The following SLIT3 variants were observed in gnomAD, a reference collection of about 807,000 sequenced individuals.
SLIT3 encodes slit guidance ligand 3.
Under a neutral mutation model 184.0 loss-of-function variants are expected in SLIT3, and 68 were observed. The observed-to-expected ratio is 0.37, with a 90% CI of 0.30 to 0.45. SLIT3 has a LOEUF of 0.45. Ranked by LOEUF, SLIT3 falls within the 20% of genes least tolerant of loss-of-function variation. The pLI is 1.00. For missense variants in SLIT3, 1,707 were observed against 2,026.0 expected (o/e 0.84, Z 3.02); for synonymous variants, 831 against 828.6 (o/e 1.00, Z -0.05).
intron 3 of SLIT3, among the ~76,000 whole-genome samples, chr5:169,209,895 T>C (rs1297196158): frequency 6.6e-6 from 1 of 152,144 alleles, no homozygotes; most frequent in Non-Finnish European, 1.5e-5. Context: ...CGTATACCTA[T>C]GTAACAAACC....
intron 31 of SLIT3, among the ~76,000 whole-genome samples, chr5:168,685,347 G>A (rs1279854050): frequency 3.9e-5 from 6 of 152,238 alleles, no homozygotes; most frequent in Admixed American, 3.9e-4. Flanking sequence ...CACCCAGAAT[G>A]AGATTCTTGG....
chr5:168,775,483 C>T (rs116768440), intron 12 of SLIT3, among the ~76,000 whole-genome samples: 11 of 152,194 alleles, frequency 7.2e-5, no homozygotes, highest in Non-Finnish European at 1.3e-4. Flanking sequence ...CCGGCCCTGA[C>T]CCCCTCATCT....
At position 169,097,312 on chromosome 5, in the gene SLIT3, A is replaced by G. The variant is rs537581162; in HGVS notation, c.413+96167T>C. 2.6e-5 allele frequency among the ~76,000 whole-genome samples: 4 copies of G among 152,278 alleles called. No homozygotes were observed. In the South Asian group the frequency reaches 8.3e-4, roughly 32 times the overall value. ...CATTAAGTGTGAGATGTGGTATTACAGTTTGCTTGTGTTTTACCCACAAAA... is the reference window on the plus strand; with the variant it reads ...CATTAAGTGTGAGATGTGGTATTACGGTTTGCTTGTGTTTTACCCACAAAA... On this transcript the variant is annotated intron_variant, in intron 4 of 35. Coordinates refer to ENST00000519560, the MANE Select transcript of SLIT3 (RefSeq NM_003062.4).
At chr5:168,935,286 G>C (rs937042559) in intron 4 of SLIT3, among the ~76,000 whole-genome samples, 1 of 152,148 alleles carries the variant, frequency 6.6e-6, no homozygotes, top group Non-Finnish European at 1.5e-5. Flanking sequence ...TGGTGAAGTT[G>C]GGATTCATTT....
intron 4 of SLIT3, among the ~76,000 whole-genome samples, chr5:169,182,513 T>G (rs1763196347): frequency 6.6e-6 from 1 of 152,228 alleles, no homozygotes; most frequent in Admixed American, 6.5e-5. Context: ...TTTTGGTGAT[T>G]TGAAATTATG....
intron 4 of SLIT3, among the ~76,000 whole-genome samples, chr5:168,947,997 G>T (rs1047118496): frequency 6.6e-6 from 1 of 151,958 alleles, no homozygotes; most frequent in Non-Finnish European, 1.5e-5. Flanking sequence ...TCGCCATGTT[G>T]GCCAGGCTGG....
chr5:169,077,566 A>G lies in SLIT3; in HGVS notation c.413+115913T>C, dbSNP rs923435311. Among the ~76,000 whole-genome samples, 3 of 152,252 alleles carry G rather than the reference A, an allele frequency of 2.0e-5. No individual in the cohort carries two copies. In the East Asian group the frequency reaches 5.8e-4, roughly 29 times the overall value. On this transcript the variant is annotated intron_variant, in intron 4 of 35. Transcript: ENST00000519560. Reference sequence around the variant, plus strand: ...AAAAACAAAAAACAAAAAACAAAAAACAGTAATACATATAAAATATCTGTT... The same window carrying G: ...AAAAACAAAAAACAAAAAACAAAAAGCAGTAATACATATAAAATATCTGTT...
intron 1 of SLIT3, among the ~76,000 whole-genome samples, chr5:169,273,586 T>G (rs1352935239): frequency 6.6e-6 from 1 of 152,154 alleles, no homozygotes; most frequent in African/African-American, 2.4e-5. Flanking sequence ...GAGACCAGGA[T>G]TCATACTATT....
chr5:169,098,351 T>C (rs539595366), intron 4 of SLIT3, among the ~76,000 whole-genome samples: 7 of 152,132 alleles, frequency 4.6e-5, no homozygotes, highest in Non-Finnish European at 7.4e-5. Context: ...CTATGCACAA[T>C]CATAAGCACA....
At chr5:169,262,525 C>T (rs183495003) in intron 1 of SLIT3, among the ~76,000 whole-genome samples, 29 of 152,216 alleles carry the variant, frequency 1.9e-4, no homozygotes, top group African/African-American at 6.7e-4. Context: ...CAGGTGGTGT[C>T]CAGGCTGTGA....
intron 4 of SLIT3, among the ~76,000 whole-genome samples, chr5:168,906,630 G>A (rs937658623): frequency 6.6e-6 from 1 of 151,972 alleles, no homozygotes; most frequent in African/African-American, 2.4e-5. Flanking sequence ...GGGTTTAGTG[G>A]GAATCTTCTA....
intron 4 of SLIT3, among the ~76,000 whole-genome samples, chr5:168,885,536 G>A (rs1197932624): frequency 5.3e-5 from 8 of 152,202 alleles, no homozygotes; most frequent in East Asian, 3.9e-4. Context: ...GGCAGCACCC[G>A]AGGCTCTGGC....
Position 168,687,125 on chromosome 5 carries a change from T to C in SLIT3, c.3177-9A>G, listed in dbSNP as rs778979215. ...CAGGGACACACTCGCAGCTGGAACA[T>C]AGGCAGAGGCAAGGCCGTTCCTCAA... On this transcript the variant is annotated splice_polypyrimidine_tract_variant and intron_variant, in intron 29 of 35. Transcript: ENST00000519560. 1.2e-6 allele frequency: 2 copies of C among 1,612,386 alleles called. No homozygotes were observed. The highest frequency in any genetic ancestry group is 8.5e-7 in the Non-Finnish European group (1 of 1,178,482).
At chr5:169,264,856 T>A (rs72837981) in intron 1 of SLIT3, among the ~76,000 whole-genome samples, 17,723 of 152,272 alleles carry the variant, frequency 0.12, 1,446 homozygotes, top group Non-Finnish European at 0.17. Flanking sequence ...AATTTGATTT[T>A]AAAAACTGGC....
intron 4 of SLIT3, among the ~76,000 whole-genome samples, chr5:169,103,181 A>G (rs1218921370): frequency 2.0e-5 from 3 of 152,224 alleles, no homozygotes; most frequent in Non-Finnish European, 2.9e-5. Flanking sequence ...AGAGCACACA[A>G]AAAGAATGGC....
At chr5:169,224,527 G>A (rs773117785) in intron 3 of SLIT3, among the ~76,000 whole-genome samples, 6 of 151,512 alleles carry the variant, frequency 4.0e-5, no homozygotes, top group East Asian at 1.9e-4. Context: ...ACTACCACAC[G>A]TGGCTAACCT....
At chr5:168,890,158 A>G (rs12153675) in intron 4 of SLIT3, among the ~76,000 whole-genome samples, 5,873 of 149,708 alleles carry the variant, frequency 0.039, 172 homozygotes, top group East Asian at 0.087. Flanking sequence ...AAAAAAAAAA[A>G]AGAGAGAGAG....
intron 16 of SLIT3, among the ~76,000 whole-genome samples, chr5:168,757,734 C>T (rs1307520488): frequency 6.6e-6 from 1 of 152,192 alleles, no homozygotes; most frequent in Non-Finnish European, 1.5e-5. Context: ...CGTGCCCAAC[C>T]CAACCCCTGT....
rs138873728 is a variant in SLIT3 at position 169,270,358 on chromosome 5, C to T, written c.198-18899G>A. On this transcript the variant is annotated intron_variant, in intron 1 of 35. Transcript: ENST00000519560. ...CAAACTACAGCCCACAGGCCCGATCCGGCCCACTGCCTGTTTTCATATGGA... is the reference window on the plus strand; with the variant it reads ...CAAACTACAGCCCACAGGCCCGATCTGGCCCACTGCCTGTTTTCATATGGA... 3.2e-3 allele frequency among the ~76,000 whole-genome samples: 482 copies of T among 152,226 alleles called. 4 individuals are homozygous for T. Among genetic ancestry groups the T allele is most frequent in the African/African-American group, 0.011 (453 of 41,528 alleles).
Sources: allele counts gnomAD v4.1 joint callset (sites outside exome capture counted in the v4.1 genomes callset), GRCh38; gene constraint gnomAD v4.1.1; transcripts MANE v1.5; gene names NCBI Gene and HGNC (gene_info 2026-07-23, HGNC 2026-07-21).